ZP2: variants seen among roughly 807,000 people sequenced by gnomAD.
ZP2 encodes zona pellucida glycoprotein 2, also known as zona pellucida sperm-binding protein 2.
In ZP2, 51 loss-of-function variants were observed where a neutral mutation model predicts 84.0. The observed-to-expected ratio is 0.61, with a 90% CI of 0.49 to 0.77. ZP2 has a LOEUF of 0.77. ZP2 is among the 30% of genes least tolerant of loss of function. ZP2 has a pLI of 0.00. For missense variants in ZP2, 909 were observed against 911.9 expected (o/e 1.00, Z 0.04); for synonymous variants, 375 against 330.9 (o/e 1.13, Z -1.45).
rs140262712 is a variant in ZP2 at position 21,202,300 on chromosome 16, C to T, written c.1100-9G>A. 120 of 1,491,904 alleles carry T rather than the reference C, an allele frequency of 8.0e-5. 1 individual carries two copies. Among genetic ancestry groups the T allele is most frequent in the East Asian group, 6.4e-4 (27 of 42,470 alleles). 92.4% of individuals were successfully genotyped at this position (1,491,904 alleles called of 1,614,324 possible). ...GCACAGCTCCCCTGTAACTAGACAG[C>T]GGTGAAAGTTTAGAGAAAATAAGTT... On this transcript the variant is annotated splice_polypyrimidine_tract_variant and intron_variant, in intron 10 of 18. Transcript: ENST00000574091.
chr16:21,210,007 G>A (rs911696504), intron 3 of ZP2, 102 bp downstream of exon 3: 101 of 1,055,392 alleles, frequency 9.6e-5, no homozygotes, highest in Admixed American at 1.6e-4. Context: ...GTTGGATGCC[G>A]TTGCTGCAGG....
rs142277591 is a variant in ZP2, at chr16:21,203,127, A to G, written c.1097T>C (p.Ile366Thr). ...PECLCESPVS[I>T]VTGELCTQDG... ...TGATTTTAATAAAAGGTCTTTACCT[A>G]TAGAAACGGGTGACTCACAGAGACA... The change falls in exon 10 of 19, where the codon ATA becomes ACA. Residue 366 changes from isoleucine to threonine, a missense_variant and splice_region_variant. Ile to Thr is a moderately conservative substitution (Grantham distance 89). Coordinates refer to ENST00000574091, the MANE Select transcript of ZP2 (RefSeq NM_001376232.1). 4.5e-5 allele frequency: 72 copies of G among 1,613,434 alleles called. No individual in the cohort carries two copies. The highest frequency in any genetic ancestry group is 8.8e-5 in the South Asian group (8 of 90,918).
intron 17 of ZP2, chr16:21,198,091 GA>G (rs1341817080): frequency 2.8e-6 from 1 of 360,302 alleles, no homozygotes; most frequent in Non-Finnish European, 4.8e-6. Flanking sequence ...AATTCAAGAG[GA>G]TTTTTTTTTT....
In ZP2 at chr16:21,202,275, G is replaced by A. The variant is rs752152110; in HGVS notation, c.1116C>T (p.Cys372=). ...CGACGTCCATAAACCCATCCTGGGTGCACAGCTCCCCTGTAACTAGACAGC... is the reference window on the plus strand; with the variant it reads ...CGACGTCCATAAACCCATCCTGGGTACACAGCTCCCCTGTAACTAGACAGC... ...SPVSIVTGEL[C]TQDGFMDVEV... Residue 372 remains cysteine, a synonymous_variant, in exon 11 of 19, where the codon TGC becomes TGT. Coordinates refer to ENST00000574091, the MANE Select transcript of ZP2 (RefSeq NM_001376232.1). 6.6e-5 allele frequency: 100 copies of A among 1,525,260 alleles called. No individual in the cohort carries two copies. The highest frequency in any genetic ancestry group is 8.3e-5 in the Non-Finnish European group (95 of 1,140,778). The allele number at this position is 1,525,260 out of a possible 1,614,324, so 94.5% of individuals were successfully genotyped here. A position where few individuals can be genotyped will look rare whatever the true frequency, so the allele number is the denominator to read the frequency against.
intron 5 of ZP2, 60 bp downstream of exon 5, chr16:21,206,778 C>T: frequency 1.2e-6 from 2 of 1,603,158 alleles, no homozygotes. Context: ...CTGGTTAGAT[C>T]ATCATCATAT....
chr16:21,208,519 C>A (rs182455996), intron 4 of ZP2, among the ~76,000 whole-genome samples: 2 of 152,262 alleles, frequency 1.3e-5, no homozygotes, highest in African/African-American at 4.8e-5. Context: ...TATGCAGATT[C>A]CCAGAACTCA....
intron 5 of ZP2, 134 bp from the exon 6 acceptor site, chr16:21,205,909 G>A: frequency 1.2e-6 from 1 of 807,672 alleles, no homozygotes. Context: ...CATGAACCCT[G>A]ACTGTGCCCT....
chr16:21,201,286 C>G (rs986308717), intron 14 of ZP2, 83 bp downstream of exon 14: 2 of 1,285,554 alleles, frequency 1.6e-6, no homozygotes, highest in Non-Finnish European at 1.1e-6. Flanking sequence ...GAATGCTGCT[C>G]TAAAGCCCAA....
chr16:21,202,374 A>G, intron 10 of ZP2, 83 bp from the exon 11 acceptor site: 3 of 1,264,174 alleles, frequency 2.4e-6, no homozygotes, highest in South Asian at 4.2e-5. Flanking sequence ...GCTACGAGGG[A>G]GAAATTCTAA....
In ZP2 at chr16:21,210,098, A is replaced by G; in HGVS notation, c.235+11T>C. 3.7e-6 allele frequency: 6 copies of G among 1,610,550 alleles called. No homozygotes were observed. The highest frequency in any genetic ancestry group is 5.1e-6 in the Non-Finnish European group (6 of 1,176,922). The stretch of plus-strand genomic sequence containing the variant: ...AATCAGGACTATGAGGAGATAACAC[A>G]CGTTACCTACCCACCACAGATGCAT... On this transcript the variant is annotated intron_variant, in intron 3 of 18. Coordinates refer to ENST00000574091, the MANE Select transcript of ZP2 (RefSeq NM_001376232.1).
In ZP2 at chr16:21,211,344, G is replaced by A. The variant is rs770261028; in HGVS notation, c.114C>T (p.Ser38=). 1 of 1,614,140 alleles carries A rather than the reference G, an allele frequency of 6.2e-7. No individual in the cohort carries two copies. The highest frequency in any genetic ancestry group is 1.7e-5 in the Admixed American group (1 of 60,002). Residue 38 remains serine, a synonymous_variant, in exon 2 of 19, where the codon TCC becomes TCT. Coordinates refer to ENST00000574091, the MANE Select transcript of ZP2 (RefSeq NM_001376232.1). ...LFFALVTSGN[S]IDVSQLVNPA... ...GATTTACCAACTGAGAAACATCTAT[G>A]GAGTTCCCTGAAGTCACAAGGGCGA...
intron 7 of ZP2, among the ~76,000 whole-genome samples, chr16:21,204,713 A>AT (rs1263362026): frequency 6.6e-6 from 1 of 152,150 alleles, no homozygotes; most frequent in Non-Finnish European, 1.5e-5. Context: ...GCCTCAATCC[A>AT]TTTGTGTTCT....
chr16:21,210,821 C>T lies in ZP2; in HGVS notation c.151+486G>A, dbSNP rs569648520. ...AACTCCTGAGCTCAGGTGATCTGCC[C>T]GCCTTGGCTTCCCAAAGTTCTGGGA... On this transcript the variant is annotated intron_variant, in intron 2 of 18. Transcript: ENST00000574091. 1.2e-4 allele frequency among the ~76,000 whole-genome samples: 18 copies of T among 151,942 alleles called. 1 individual carries two copies. The highest frequency in any genetic ancestry group is 7.8e-4 in the East Asian group (4 of 5,158).
Position 21,211,374 on chromosome 16 carries a change from G to A in ZP2, c.84C>T (p.Leu28=), listed in dbSNP as rs2152856910. The A allele has an allele frequency of 6.2e-7, 1 of 1,614,176 alleles. No individual in the cohort carries two copies. The highest frequency in any genetic ancestry group is 8.5e-7 in the Non-Finnish European group (1 of 1,180,036). The change falls in exon 2 of 19, where the codon CTC becomes CTT. Residue 28 remains leucine (L), a synonymous_variant. Transcript: ENST00000574091. ...AGWSTYRSIS[L]FFALVTSGNS... is the part of the protein sequence containing the mutation. ...TCCCTGAAGTCACAAGGGCGAAGAAGAGAGAAATCGACCTGTAGGTGCTGG... is the reference window on the plus strand; with the variant it reads ...TCCCTGAAGTCACAAGGGCGAAGAAAAGAGAAATCGACCTGTAGGTGCTGG...
Position 21,197,492 on chromosome 16 carries a change from C to T in ZP2, c.2226G>A (p.Val742=). The T allele has an allele frequency of 6.2e-7, 1 of 1,614,138 alleles. No homozygotes were observed. The highest frequency in any genetic ancestry group is 8.5e-7 in the Non-Finnish European group (1 of 1,180,006). The stretch of plus-strand genomic sequence containing the variant: ...TTTAGAAGCCCATTTAGTGATTTGA[C>T]ACAGTCCTTTTCTCGTACAGGTAGT... The part of the protein sequence containing the change: ...FIYYLYEKRT[V]SNH The change falls in exon 19 of 19, where the codon GTG becomes GTA. Residue 742 remains valine (V), a synonymous_variant. Coordinates refer to ENST00000574091, the MANE Select transcript of ZP2 (RefSeq NM_001376232.1).
intron 2 of ZP2, among the ~76,000 whole-genome samples, chr16:21,210,547 A>G (rs1317115598): frequency 6.6e-6 from 1 of 152,078 alleles, no homozygotes; most frequent in African/African-American, 2.4e-5. Flanking sequence ...ATGTTAAACA[A>G]AGTCCTGGGT....
rs973081183 is a variant in ZP2 at position 21,203,672 on chromosome 16, G to A, written c.972+358C>T. On this transcript the variant is annotated intron_variant, in intron 9 of 18. Coordinates refer to ENST00000574091, the MANE Select transcript of ZP2 (RefSeq NM_001376232.1). ...GTGAAGACTAACCTCAACAGCAACA[G>A]TACGGGACCCTTTTGTTTAGATCAA... 6 of 383,378 alleles carry A rather than the reference G, an allele frequency of 1.6e-5. No individual in the cohort carries two copies. The South Asian group carries it at 1.6e-4, about 10-fold the overall frequency. The allele number at this position is 383,378 out of a possible 1,614,324, so 23.7% of individuals were successfully genotyped here.
chr16:21,210,040 A>G (rs2093267451), intron 3 of ZP2, 69 bp downstream of exon 3: 1 of 1,422,658 alleles, frequency 7.0e-7, no homozygotes, highest in Non-Finnish European at 9.9e-7. Flanking sequence ...CTGCTCCCCA[A>G]ACAGGATTGA....
chr16:21,198,055 C>T, intron 17 of ZP2: 1 of 513,600 alleles, frequency 1.9e-6, no homozygotes, highest in Non-Finnish European at 3.4e-6. Context: ...AGAAACATAT[C>T]TTAAATCTTT....
Sources: gnomAD v4.1 joint callset for allele counts (sites outside exome capture counted in the v4.1 genomes callset) on GRCh38, gnomAD v4.1.1 for gene constraint, MANE v1.5 for transcripts, NCBI Gene and HGNC (gene_info 2026-07-23, HGNC 2026-07-21) for gene names.